The following CDC20B variants were observed in gnomAD, a reference collection of about 807,000 sequenced individuals.
CDC20B encodes cell division cycle protein 20 homolog B.
In CDC20B, 58 loss-of-function variants were observed where a neutral mutation model predicts 64.1. The observed-to-expected ratio is 0.90, with a 90% CI of 0.73 to 1.13. The LOEUF is 1.13. Among genes scored for constraint, CDC20B ranks in the 50% most tolerant of loss-of-function variants. CDC20B has a pLI of 0.00. For synonymous variants in CDC20B, 243 were observed against 230.6 expected, an observed-to-expected ratio of 1.05 and a Z score of -0.49; for missense variants, 597 against 633.0, an observed-to-expected ratio of 0.94 and a Z score of 0.61.
At chr5:55,166,093 A>G (rs1214824484) in intron 2 of CDC20B, 1 of 152,186 alleles carries the variant, frequency 6.6e-6, no homozygotes, top group East Asian at 1.9e-4. Context: ...TTGTATCCTC[A>G]CCTACGCCTT....
intron 2 of CDC20B, among the ~76,000 whole-genome samples, chr5:55,161,604 T>C (rs1487099618): frequency 6.6e-6 from 1 of 152,258 alleles, no homozygotes; most frequent in Non-Finnish European, 1.5e-5. Context: ...CCCGTCATTA[T>C]AGCCACACAG....
intron 5 of CDC20B, chr5:55,137,494 G>A (rs1158021264): frequency 2.2e-6 from 1 of 454,966 alleles, no homozygotes; most frequent in African/African-American, 2.0e-5. Flanking sequence ...CTTGGCTTAT[G>A]TGGGATCTGT....
chr5:55,120,565 A>C lies in CDC20B; in HGVS notation c.1216-15T>G. The C allele has an allele frequency of 1.2e-6, 2 of 1,612,186 alleles. No individual in the cohort carries two copies. The highest frequency in any genetic ancestry group is 1.7e-6 in the Non-Finnish European group (2 of 1,178,782). ...CAATCCATGGCCTTTAAAGTTTCAC[A>C]TAATAGCACAGACAGGTCAGCTTCA... On this transcript the variant is annotated splice_polypyrimidine_tract_variant and intron_variant, in intron 9 of 11. Transcript: ENST00000381375.
At chr5:55,125,875 C>G (rs1742875260) in intron 8 of CDC20B, among the ~76,000 whole-genome samples, 1 of 152,200 alleles carries the variant, frequency 6.6e-6, no homozygotes, top group Admixed American at 6.5e-5. Context: ...CATGTGACTT[C>G]AGGCTAGTGT....
At chr5:55,160,323 T>C in intron 2 of CDC20B, 1 of 1,613,862 alleles carries the variant, frequency 6.2e-7, no homozygotes, top group African/African-American at 1.3e-5. Context: ...AAACCTAAAA[T>C]CAACAGCTTT....
At chr5:55,160,422 T>C (rs1249862607) in intron 2 of CDC20B, 1 of 1,567,380 alleles carries the variant, frequency 6.4e-7, no homozygotes, top group East Asian at 2.2e-5. Flanking sequence ...TGATTTTTAT[T>C]GTTATCATTT....
chr5:55,122,266 C>A (rs924022146), intron 9 of CDC20B, among the ~76,000 whole-genome samples: 1 of 118,962 alleles, frequency 8.4e-6, no homozygotes, highest in Non-Finnish European at 1.8e-5. Context: ...ATTTGGAAGT[C>A]TTTTCTCTTT....
chr5:55,114,413 T>A lies in CDC20B; in HGVS notation c.1460-95A>T. The A allele has an allele frequency of 6.6e-7, 1 of 1,513,022 alleles. No individual in the cohort carries two copies. Among genetic ancestry groups the A allele is most frequent in the Non-Finnish European group, 8.9e-7 (1 of 1,129,542 alleles). 93.7% of individuals were successfully genotyped at this position (1,513,022 alleles called of 1,614,324 possible). A position where few individuals can be genotyped will look rare whatever the true frequency, so the allele number is the denominator to read the frequency against. ...ATGTAAGTTGGGGCCATGAGTCCCA[T>A]CCCAGGATAAAGGGCTTTCCCACAC... On this transcript the variant is annotated intron_variant, in intron 11 of 11. Transcript: ENST00000381375. The surrounding 1 kb of genome is among the most constrained non-coding windows in gnomAD (Gnocchi z 4.1).
intron 2 of CDC20B, among the ~76,000 whole-genome samples, chr5:55,147,520 A>T (rs1743529410): frequency 6.7e-6 from 1 of 148,308 alleles, no homozygotes; most frequent in African/African-American, 2.5e-5. Flanking sequence ...AATGTTACGT[A>T]TTTTTATATA....
At chr5:55,129,235 C>A (rs1403044387) in intron 6 of CDC20B, among the ~76,000 whole-genome samples, 1 of 152,142 alleles carries the variant, frequency 6.6e-6, no homozygotes, top group African/African-American at 2.4e-5. Flanking sequence ...AGTTCCCCTA[C>A]AGTAGTTTAA....
At chr5:55,145,871 T>G (rs75044480) in intron 3 of CDC20B, among the ~76,000 whole-genome samples, 3 of 151,944 alleles carry the variant, frequency 2.0e-5, no homozygotes, top group Non-Finnish European at 4.4e-5. Flanking sequence ...GCTTCTGTCT[T>G]TTTCTTCCAT....
At chr5:55,143,760 G>C (rs553818054) in intron 3 of CDC20B, 117 bp from the exon 4 acceptor site, 4 of 997,420 alleles carry the variant, frequency 4.0e-6, no homozygotes, top group Non-Finnish European at 5.8e-6. Flanking sequence ...CCAGGCTCTC[G>C]TCACTCCAAA....
rs764463657 is a variant in CDC20B at position 55,172,637 on chromosome 5, C to T, written c.77G>A (p.Arg26His). The T allele has an allele frequency of 5.6e-6, 9 of 1,611,750 alleles. No individual in the cohort carries two copies. The highest frequency in any genetic ancestry group is 4.0e-5 in the African/African-American group (3 of 74,912). ...CTGCTTCAAGTCTTTGGAGAGCACA[C>T]GCATGATACTTTCCTTTGAAAACAC... ...EEEMLWESIM[R>H]VLSKDLKQKR... The change falls in exon 2 of 12, where the codon CGT becomes CAT. Residue 26 changes from arginine (R) to histidine (H), a missense_variant. Transcript: ENST00000381375.
chr5:55,127,080 T>C (rs1010982310), intron 8 of CDC20B, among the ~76,000 whole-genome samples, 177 bp downstream of exon 8: 1 of 152,182 alleles, frequency 6.6e-6, no homozygotes, highest in Non-Finnish European at 1.5e-5. Flanking sequence ...CCAAGACACT[T>C]ACATGACCAG....
chr5:55,148,736 T>C (rs1743574917), intron 2 of CDC20B, among the ~76,000 whole-genome samples: 1 of 152,220 alleles, frequency 6.6e-6, no homozygotes, highest in Non-Finnish European at 1.5e-5. Context: ...ATCTAAGATA[T>C]GAGCCAAGAT....
At chr5:55,134,198 T>C (rs927696153) in intron 5 of CDC20B, among the ~76,000 whole-genome samples, 3 of 152,124 alleles carry the variant, frequency 2.0e-5, no homozygotes, top group African/African-American at 7.2e-5. Flanking sequence ...ACCACTCAGC[T>C]TGTGATCAAA....
At chr5:55,130,392 C>T (rs1365599493) in intron 6 of CDC20B, among the ~76,000 whole-genome samples, 2 of 152,002 alleles carry the variant, frequency 1.3e-5, no homozygotes, top group African/African-American at 2.4e-5. Context: ...GAATAATATC[C>T]AAAAATCTAA....
At chr5:55,123,186 A>T (rs563657871) in intron 9 of CDC20B, among the ~76,000 whole-genome samples, 1 of 152,318 alleles carries the variant, frequency 6.6e-6, no homozygotes, top group South Asian at 2.1e-4. Flanking sequence ...TAATGTTTTC[A>T]GTCAAAATAA....
At chr5:55,128,278 A>G in intron 7 of CDC20B, 143 bp downstream of exon 7, 1 of 532,996 alleles carries the variant, frequency 1.9e-6, no homozygotes, top group Non-Finnish European at 3.1e-6. Flanking sequence ...AAAAAAAAAA[A>G]GCGGAATGTC....
Sources: gnomAD v4.1 joint callset for allele counts (sites outside exome capture counted in the v4.1 genomes callset) on GRCh38, gnomAD v4.1.1 for gene constraint, Gnocchi (gnomAD v3.1) non-coding constraint, MANE v1.5 for transcripts, NCBI Gene and HGNC (gene_info 2026-07-23, HGNC 2026-07-21) for gene names.